Variants in CFAP221 observed in about 807,000 individuals in gnomAD.
CFAP221 encodes the protein cilia and flagella associated protein 221, also known as cilia- and flagella-associated protein 221.
CFAP221 carries 97 observed loss-of-function variants against 113.1 expected under a neutral mutation model. The ratio of observed to expected loss-of-function variants is 0.86; its 90% CI spans 0.73 to 1.02. The LOEUF (loss-of-function observed/expected upper bound fraction) is 1.02. CFAP221 is among the 50% of genes least tolerant of loss of function. CFAP221 has a pLI of 0.00. For missense variants in CFAP221, 1,025 were observed against 1,013.4 expected (o/e 1.01, Z -0.16); for synonymous variants, 331 against 354.4 (o/e 0.93, Z 0.74).
intron 6 of CFAP221, among the ~76,000 whole-genome samples, chr2:119,565,119 T>G (rs1054955292): frequency 6.6e-6 from 1 of 152,178 alleles, no homozygotes; most frequent in African/African-American, 2.4e-5. Flanking sequence ...CTCTCTTTAT[T>G]TTTCCCAAAA....
intron 3 of CFAP221, among the ~76,000 whole-genome samples, chr2:119,554,394 G>T (rs1680637402): frequency 6.6e-6 from 1 of 152,022 alleles, no homozygotes; most frequent in Non-Finnish European, 1.5e-5. Flanking sequence ...CCTTAAATTT[G>T]TTTTTACCTT....
At chr2:119,611,570 T>A in intron 12 of CFAP221, 83 bp from the exon 13 acceptor site, 1 of 1,286,796 alleles carries the variant, frequency 7.8e-7, no homozygotes, top group Non-Finnish European at 1.1e-6. Flanking sequence ...GCCAATTGCT[T>A]AATGGGTTTC....
chr2:119,610,816 C>G (rs912260843), intron 12 of CFAP221, among the ~76,000 whole-genome samples: 2 of 151,962 alleles, frequency 1.3e-5, no homozygotes, highest in Non-Finnish European at 2.9e-5. Flanking sequence ...TTGAAGTTAC[C>G]CAACAAACAA....
chr2:119,609,324 T>G (rs1684990031), intron 12 of CFAP221, among the ~76,000 whole-genome samples: 1 of 152,194 alleles, frequency 6.6e-6, no homozygotes, highest in Non-Finnish European at 1.5e-5. Flanking sequence ...GATCACATAT[T>G]ATATTAATTG....
At chr2:119,589,752 G>C (rs1407650681) in intron 7 of CFAP221, 3 of 152,218 alleles carry the variant, frequency 2.0e-5, no homozygotes, top group Non-Finnish European at 4.4e-5. Flanking sequence ...TAAGATGCAG[G>C]TGGGCTCTGT....
chr2:119,572,678 CA>C, intron 6 of CFAP221: 1 of 636,520 alleles, frequency 1.6e-6, no homozygotes, highest in South Asian at 1.7e-5. Context: ...GTGCTCTAGA[CA>C]AACCTGCCTG....
intron 21 of CFAP221, among the ~76,000 whole-genome samples, chr2:119,646,561 C>T (rs758251601): frequency 6.6e-6 from 1 of 152,094 alleles, no homozygotes; most frequent in Non-Finnish European, 1.5e-5. Flanking sequence ...TCCACCCCCG[C>T]GATCCAATCA....
chr2:119,641,196 C>T (rs1687466372), intron 21 of CFAP221, among the ~76,000 whole-genome samples: 1 of 152,184 alleles, frequency 6.6e-6, no homozygotes, highest in African/African-American at 2.4e-5. Flanking sequence ...CAAGGCTTTC[C>T]CATGTGCCGT....
chr2:119,576,226 C>T (rs949432872), intron 6 of CFAP221, among the ~76,000 whole-genome samples: 7 of 152,140 alleles, frequency 4.6e-5, no homozygotes, highest in African/African-American at 1.7e-4. Flanking sequence ...TTCGGGGATA[C>T]ATGCACATAT....
chr2:119,567,846 G>A (rs935754451), intron 6 of CFAP221, among the ~76,000 whole-genome samples: 2 of 152,052 alleles, frequency 1.3e-5, no homozygotes, highest in African/African-American at 4.8e-5. Context: ...TTGTACTTTG[G>A]TTCTCTTTTT....
At chr2:119,551,204 G>A (rs1680397121) in intron 3 of CFAP221, among the ~76,000 whole-genome samples, 1 of 152,200 alleles carries the variant, frequency 6.6e-6, no homozygotes, top group South Asian at 2.1e-4. Flanking sequence ...GAATGATGCT[G>A]CTATGAACAT....
intron 21 of CFAP221, among the ~76,000 whole-genome samples, chr2:119,642,959 A>T (rs1687584374): frequency 6.7e-6 from 1 of 148,892 alleles, no homozygotes; most frequent in South Asian, 2.1e-4. Context: ...AGTTCTTGTT[A>T]TTTTTAATGT....
chr2:119,607,392 T>C lies in CFAP221; in HGVS notation c.1134-1110T>C, dbSNP rs532708029. On this transcript the variant is annotated intron_variant, in intron 11 of 23. Coordinates refer to ENST00000413369, the MANE Select transcript of CFAP221 (RefSeq NM_001271049.2). ...TAGCTTGCATGTCCCTTTAGTCTCCTCTAACCTAAAACAGTTCTCTAGAAC... is the reference window on the plus strand; with the variant it reads ...TAGCTTGCATGTCCCTTTAGTCTCCCCTAACCTAAAACAGTTCTCTAGAAC... Among the ~76,000 whole-genome samples, 9 of 152,346 alleles carry C rather than the reference T, an allele frequency of 5.9e-5. No homozygotes were observed. In the South Asian group the frequency reaches 1.5e-3, roughly 25 times the overall value.
chr2:119,579,762 A>G (rs745841732), intron 6 of CFAP221, among the ~76,000 whole-genome samples: 2 of 152,234 alleles, frequency 1.3e-5, no homozygotes, highest in Non-Finnish European at 2.9e-5. Flanking sequence ...TGTGAAATTA[A>G]TTGAAAATTG....
rs1684647720 is a variant in CFAP221, at chr2:119,605,139, A to T, written c.1025-42A>T. The T allele has an allele frequency of 2.6e-6, 4 of 1,546,940 alleles. No homozygotes were observed. The Admixed American group carries it at 5.1e-5, about 20-fold the overall frequency. On this transcript the variant is annotated intron_variant, in intron 10 of 23. Coordinates refer to ENST00000413369, the MANE Select transcript of CFAP221 (RefSeq NM_001271049.2). Reference sequence around the variant, plus strand: ...TGTTTTTCTCTCCGCACATGATTTTAATCTGATTACTGGTATAAACATTGT... The same window carrying T: ...TGTTTTTCTCTCCGCACATGATTTTTATCTGATTACTGGTATAAACATTGT...
chr2:119,558,743 A>G (rs1410571766), intron 3 of CFAP221, among the ~76,000 whole-genome samples: 4 of 152,132 alleles, frequency 2.6e-5, no homozygotes, highest in Admixed American at 2.6e-4. Context: ...GTTTGCTTGA[A>G]CGCAGGAGTT....
In CFAP221 at chr2:119,638,335, C is replaced by G. The variant is rs1190275904; in HGVS notation, c.2051C>G (p.Ser684Cys). The G allele has an allele frequency of 3.1e-6, 5 of 1,614,090 alleles. No homozygotes were observed. The highest frequency in any genetic ancestry group is 1.7e-5 in the Admixed American group (1 of 60,020). Residue 684 changes from serine to cysteine, a missense_variant, in exon 20 of 24, where the codon TCT becomes TGT. Physicochemically the swap from Ser to Cys is moderately radical, Grantham distance 112. Transcript: ENST00000413369. ...AETLIDYHLC[S>C]HPKYKFTKES... The stretch of plus-strand genomic sequence containing the variant: ...ACGTTGATAGATTACCATCTATGCT[C>G]TCACCCCAAGTACAAATTCACCAAA...
chr2:119,580,052 A>G (rs1682736750), intron 6 of CFAP221: 1 of 152,218 alleles, frequency 6.6e-6, no homozygotes, highest in Non-Finnish European at 1.5e-5. Context: ...GAAATACCTC[A>G]CACGCATGTG....
Position 119,546,126 on chromosome 2 carries a change from G to A in CFAP221, c.-6G>A. 6 of 1,522,388 alleles carry A rather than the reference G, an allele frequency of 3.9e-6. No individual in the cohort carries two copies. The highest frequency in any genetic ancestry group is 5.2e-6 in the Non-Finnish European group (6 of 1,143,476). 94.3% of individuals were successfully genotyped at this position (1,522,388 alleles called of 1,614,324 possible). A position where few individuals can be genotyped will look rare whatever the true frequency, so the allele number is the denominator to read the frequency against. ...CTAAAAAGAAGACTCCATTTTTCAT[G>A]ATAAAATGGCAGTGGTGAAAACCCC... On this transcript the variant is annotated 5_prime_UTR_variant, in exon 2 of 24. It removes an upstream start codon present in the reference 5' UTR. Coordinates refer to ENST00000413369, the MANE Select transcript of CFAP221 (RefSeq NM_001271049.2).
Sources: gnomAD v4.1 joint callset for allele counts (sites outside exome capture counted in the v4.1 genomes callset) on GRCh38, gnomAD v4.1.1 for gene constraint, MANE v1.5 for transcripts, NCBI Gene and HGNC (gene_info 2026-07-23, HGNC 2026-07-21) for gene names.